LY9: variants seen among roughly 807,000 people sequenced by gnomAD.
LY9 encodes lymphocyte antigen 9, also known as T-lymphocyte surface antigen Ly-9.
A neutral mutation model predicts 64.6 loss-of-function variants in LY9; 59 were observed. The observed-to-expected ratio is 0.91, with a 90% CI of 0.74 to 1.13. The LOEUF is 1.13. LY9 is among the 50% of genes most tolerant of loss of function. LY9 has a pLI of 0.00. For synonymous variants in LY9, 281 were observed against 308.5 expected (o/e 0.91, Z 0.93); for missense variants, 789 against 797.2 (o/e 0.99, Z 0.12).
chr1:160,826,289 C>T (rs921372652), intron 9 of LY9, among the ~76,000 whole-genome samples: 1 of 151,966 alleles, frequency 6.6e-6, no homozygotes, highest in African/African-American at 2.4e-5. Flanking sequence ...CTTGTTCTTT[C>T]AAGAGTGGTA....
rs555119142 is a variant in LY9, at chr1:160,816,734, G to T, written c.1213G>T (p.Val405Leu). The T allele has an allele frequency of 6.2e-7, 1 of 1,614,252 alleles. No individual in the cohort carries two copies. Among genetic ancestry groups the T allele is most frequent in the African/African-American group, 1.3e-5 (1 of 75,064 alleles). ...GACCCCGCTGCAGAAGGAAGCTGTT[G>T]TGTCCCAAGGGGAATCACACCTCAA... ...TWTPLQKEAV[V>L]SQGESHLNVS... The change falls in exon 5 of 10, where the codon GTG becomes TTG. Residue 405 changes from valine (V) to leucine (L), a missense_variant. Coordinates refer to ENST00000263285, the MANE Select transcript of LY9 (RefSeq NM_002348.4).
At position 160,816,857 on chromosome 1, in the gene LY9, T is replaced by C; in HGVS notation, c.1336T>C (p.Cys446Arg). Residue 446 changes from cysteine (C) to arginine (R), a missense_variant, in exon 5 of 10, where the codon TGT becomes CGT. Coordinates refer to ENST00000263285, the MANE Select transcript of LY9 (RefSeq NM_002348.4). ...SSHQFLSENICSGPERNTKLW... is the reference protein window; with the variant it reads ...SSHQFLSENIRSGPERNTKLW... Reference sequence around the variant, plus strand: ...CCACCAGTTTCTTTCTGAGAACATCTGTTCAGGTTTCTCTCCATCTCTATT... The same window carrying C: ...CCACCAGTTTCTTTCTGAGAACATCCGTTCAGGTTTCTCTCCATCTCTATT... 6.2e-7 allele frequency: 1 copy of C among 1,614,192 alleles called. No homozygotes were observed. Among genetic ancestry groups the C allele is most frequent in the Admixed American group, 1.7e-5 (1 of 60,020 alleles).
At position 160,813,719 on chromosome 1, in the gene LY9, G is replaced by C. The variant is rs568376272; in HGVS notation, c.538G>C (p.Val180Leu). 1.2e-6 allele frequency: 2 copies of C among 1,614,182 alleles called. No individual in the cohort carries two copies. Among genetic ancestry groups the C allele is most frequent in the East Asian group, 4.5e-5 (2 of 44,882 alleles). Reference sequence around the variant, plus strand: ...CTGTAACATCACTCTAATGTGCTCCGTGAAGGGGGCAGAGAAAAGTGTTCT... The same window carrying C: ...CTGTAACATCACTCTAATGTGCTCCCTGAAGGGGGCAGAGAAAAGTGTTCT... ...FSCNITLMCS[V>L]KGAEKSVLYS... The change falls in exon 3 of 10, where the codon GTG becomes CTG. Residue 180 changes from valine to leucine, a missense_variant. Transcript: ENST00000263285.
Position 160,799,805 on chromosome 1 carries a change from AG to A in LY9, c.182del (p.Gly61ValfsTer3), listed in dbSNP as rs763811636. The A allele has an allele frequency of 6.1e-5, 99 of 1,613,768 alleles. No individual in the cohort carries two copies. In the Middle Eastern group the frequency reaches 8.2e-4, roughly 13 times the overall value. ...SAPTVVSGIL[G>X]GSVTLPLNIS... ...CCCCAACAGTGGTGTCAGGGATCCT[AG>A]GGGGTTCCGTGACTCTCCCCCTAAA... On this transcript the variant is annotated frameshift_variant, in exon 2 of 10. Transcript: ENST00000263285. LOFTEE classifies it high-confidence loss of function.
At chr1:160,801,881 C>G in intron 2 of LY9, 1 of 1,614,108 alleles carries the variant, frequency 6.2e-7, no homozygotes, top group Non-Finnish European at 8.5e-7. Context: ...TCATCAGCAC[C>G]CTGGCTGAGC....
At chr1:160,802,370 T>A (rs1666579892) in intron 2 of LY9, 1 of 987,700 alleles carries the variant, frequency 1.0e-6, no homozygotes, top group African/African-American at 1.7e-5. Flanking sequence ...TGCGGCCCCC[T>A]CTCAGCCAGG....
At position 160,819,919 on chromosome 1, in the gene LY9, T is replaced by C. The variant is rs542527347; in HGVS notation, c.1498+545T>C. On this transcript the variant is annotated intron_variant, in intron 7 of 9. Coordinates refer to ENST00000263285, the MANE Select transcript of LY9 (RefSeq NM_002348.4). Reference sequence around the variant, plus strand: ...CACCCCAGAATACTGATTCCAAACCTGTATTTTAACAAGATCCATAAGTGA... The same window carrying C: ...CACCCCAGAATACTGATTCCAAACCCGTATTTTAACAAGATCCATAAGTGA... Among the ~76,000 whole-genome samples, 425 of 151,894 alleles carry C rather than the reference T, an allele frequency of 2.8e-3. 1 individual carries two copies. Among genetic ancestry groups the C allele is most frequent in the African/African-American group, 9.8e-3 (405 of 41,354 alleles).
rs1318288171 is a variant in LY9 at position 160,828,034 on chromosome 1, A to T, written c.*218A>T. 1 of 375,072 alleles carries T rather than the reference A, an allele frequency of 2.7e-6. No individual in the cohort carries two copies. The highest frequency in any genetic ancestry group is 4.5e-5 in the East Asian group (1 of 22,288). The allele number at this position is 375,072 out of a possible 1,614,324, so 23.2% of individuals were successfully genotyped here. A position where few individuals can be genotyped will look rare whatever the true frequency, so the allele number is the denominator to read the frequency against. On this transcript the variant is annotated 3_prime_UTR_variant, in exon 10 of 10. Coordinates refer to ENST00000263285, the MANE Select transcript of LY9 (RefSeq NM_002348.4). ...CTCCTTCTTGGAGCCTATGGGCTTC[A>T]GATGTCTTTGCCCCATTTGTCACCT...
intron 2 of LY9, chr1:160,810,041 G>C (rs1016307392): frequency 1.3e-5 from 2 of 151,906 alleles, no homozygotes; most frequent in South Asian, 4.1e-4. Flanking sequence ...CACATGCCTG[G>C]CTAATTTTTG....
rs1275216220 is a variant in LY9, at chr1:160,818,260, T to A, written c.1385T>A (p.Met462Lys). The A allele has an allele frequency of 6.2e-7, 1 of 1,614,124 alleles. No individual in the cohort carries two copies. The highest frequency in any genetic ancestry group is 1.1e-5 in the South Asian group (1 of 91,070). Residue 462 changes from methionine (M) to lysine (K), a missense_variant, in exon 6 of 10, where the codon ATG (methionine) becomes AAG (lysine). Met to Lys is a moderately conservative substitution (Grantham distance 95, BLOSUM62 -1). Transcript: ENST00000263285. ...AAGCTTTGGATTGGGTTGTTCCTGA[T>A]GGTTTGCCTTCTGTGCGTTGGGATC... is the stretch of plus-strand genomic sequence containing the variant. ...NTKLWIGLFLMVCLLCVGIFS... is the reference protein window; with the variant it reads ...NTKLWIGLFLKVCLLCVGIFS...
intron 2 of LY9, chr1:160,811,501 C>T (rs1197801878): frequency 6.6e-6 from 1 of 152,226 alleles, no homozygotes; most frequent in South Asian, 2.1e-4. Context: ...TTTAACCTCT[C>T]TCTCTCTTCT....
At chr1:160,811,807 A>G (rs1205344359) in intron 2 of LY9, 1 of 152,216 alleles carries the variant, frequency 6.6e-6, no homozygotes, top group Non-Finnish European at 1.5e-5. Flanking sequence ...TAATAGCAGC[A>G]TTCCCTGCAG....
chr1:160,814,457 T>C lies in LY9; in HGVS notation c.768T>C (p.Thr256=), dbSNP rs780688968. The change falls in exon 4 of 10, where the codon ACT becomes ACC. Residue 256 remains threonine, a synonymous_variant. Coordinates refer to ENST00000263285, the MANE Select transcript of LY9 (RefSeq NM_002348.4). The stretch of plus-strand genomic sequence containing the variant: ...CCAGAGGAGGAACAACGGGGGAGAC[T>C]GTGGTAGGGGTCCTGGGAGAGCCAG... ...GASRGGTTGE[T]VVGVLGEPVT... is the part of the protein sequence containing the mutation. 6.2e-7 allele frequency: 1 copy of C among 1,613,608 alleles called. No homozygotes were observed. The highest frequency in any genetic ancestry group is 2.2e-5 in the East Asian group (1 of 44,872).
chr1:160,823,622 G>A lies in LY9; in HGVS notation c.1656G>A (p.Val552=). The change falls in exon 8 of 10, where the codon GTG becomes GTA. Residue 552 remains valine (V), a synonymous_variant. Transcript: ENST00000263285. The stretch of plus-strand genomic sequence containing the variant: ...AGGAGGATGAGGACAGGCCTGAGGT[G>A]CACAAGCCCATCAGTGGAAGATATG... The part of the protein sequence containing the change: ...TTEEDEDRPE[V]HKPISGRYEV... 1 of 1,614,148 alleles carries A rather than the reference G, an allele frequency of 6.2e-7. No homozygotes were observed. The highest frequency in any genetic ancestry group is 1.1e-5 in the South Asian group (1 of 91,084).
rs534621431 is a variant in LY9, at chr1:160,827,876, T to G, written c.*60T>G. 1,463 of 1,384,254 alleles carry G rather than the reference T, an allele frequency of 1.1e-3. 27 individuals are homozygous for G. The South Asian group carries it at 0.017, about 16-fold the overall frequency. 85.7% of individuals were successfully genotyped at this position (1,384,254 alleles called of 1,614,324 possible). On this transcript the variant is annotated 3_prime_UTR_variant, in exon 10 of 10. Transcript: ENST00000263285. ...GTGGGGTTGGAAAGTCAGCTGGACCTCATGGGGCCTGGGGCTCACAGACAG... is the reference window on the plus strand; with the variant it reads ...GTGGGGTTGGAAAGTCAGCTGGACCGCATGGGGCCTGGGGCTCACAGACAG...
rs200815285 is a variant in LY9, at chr1:160,819,298, C to A, written c.1445-23C>A. On this transcript the variant is annotated intron_variant, in intron 6 of 9. Transcript: ENST00000263285. ...CTCACCTCACAGCCCTCTTGATAAA[C>A]CTTCTCTAACTTTGTTTCTCAGGTT... The A allele has an allele frequency of 5.0e-5, 81 of 1,607,064 alleles. No individual in the cohort carries two copies. In the African/African-American group the frequency reaches 9.9e-4, roughly 20 times the overall value.
intron 9 of LY9, among the ~76,000 whole-genome samples, chr1:160,824,896 C>T (rs1438330101): frequency 1.3e-5 from 2 of 148,822 alleles, no homozygotes; most frequent in African/African-American, 2.5e-5. Context: ...AGGAGAATGG[C>T]GTGAACCCAG....
chr1:160,802,151 C>T (rs1666558044), intron 2 of LY9: 1 of 1,296,080 alleles, frequency 7.7e-7, no homozygotes, highest in African/African-American at 1.5e-5. Context: ...GCCGCTGACG[C>T]CCGCAGGAAC....
rs1667773668 is a variant in LY9 at position 160,814,418 on chromosome 1, A to G, written c.731-2A>G. The G allele has an allele frequency of 6.2e-7, 1 of 1,602,106 alleles. No homozygotes were observed. Among genetic ancestry groups the G allele is most frequent in the Non-Finnish European group, 8.5e-7 (1 of 1,173,304 alleles). The stretch of plus-strand genomic sequence containing the variant: ...GCTGCAATGTCTCATCTGTGACCCC[A>G]GATCCAGGAGCCTCCAGAGGAGGAA... On this transcript the variant is annotated splice_acceptor_variant, in intron 3 of 9. Coordinates refer to ENST00000263285, the MANE Select transcript of LY9 (RefSeq NM_002348.4). LOFTEE classifies it high-confidence loss of function.
Sources: allele counts gnomAD v4.1 joint callset (sites outside exome capture counted in the v4.1 genomes callset), GRCh38; gene constraint gnomAD v4.1.1; transcripts MANE v1.5; gene names NCBI Gene and HGNC (gene_info 2026-07-23, HGNC 2026-07-21).